FER: variants seen among roughly 807,000 people sequenced by gnomAD.
FER encodes tyrosine-protein kinase Fer.
In FER, 63 loss-of-function variants were observed where a neutral mutation model predicts 111.0. That is an observed-to-expected ratio of 0.57 (90% confidence interval 0.46 to 0.70). The LOEUF (loss-of-function observed/expected upper bound fraction) is 0.70. Ranked by LOEUF, FER falls within the 30% of genes least tolerant of loss-of-function variation. The pLI is 0.00. For missense variants in FER, 914 were observed against 954.0 expected (o/e 0.96, Z 0.55); for synonymous variants, 327 against 313.9 (o/e 1.04, Z -0.44).
intron 13 of FER, among the ~76,000 whole-genome samples, chr5:108,993,536 A>G (rs1763552062): frequency 6.7e-6 from 1 of 148,970 alleles, no homozygotes; most frequent in African/African-American, 2.5e-5. Context: ...GTGGAAAGAG[A>G]GGGAGAGGGA....
chr5:108,846,428 GA>G (rs199527531), intron 5 of FER, among the ~76,000 whole-genome samples: 1 of 148,884 alleles, frequency 6.7e-6, no homozygotes, highest in South Asian at 2.1e-4. Context: ...CTTGTCTCTG[GA>G]AAAAAAAAGA....
chr5:109,023,612 A>G (rs1768245233), intron 13 of FER, among the ~76,000 whole-genome samples: 1 of 150,992 alleles, frequency 6.6e-6, no homozygotes, highest in South Asian at 2.1e-4. Flanking sequence ...CCTTATGTCC[A>G]TTTTTATTCT....
chr5:109,145,365 A>G (rs141624592), intron 17 of FER, among the ~76,000 whole-genome samples: 378 of 152,188 alleles, frequency 2.5e-3, no homozygotes, highest in Non-Finnish European at 3.6e-3. Context: ...GCTAAGCTTT[A>G]CAACAACATG....
At chr5:109,134,854 G>T (rs375134412) in intron 17 of FER, among the ~76,000 whole-genome samples, 1 of 152,218 alleles carries the variant, frequency 6.6e-6, no homozygotes, top group East Asian at 1.9e-4. Flanking sequence ...GGATAGCTTT[G>T]TAGGGGACAT....
chr5:109,054,395 C>T lies in FER; in HGVS notation c.1924+7197C>T, dbSNP rs533466955. Among the ~76,000 whole-genome samples the T allele has an allele frequency of 2.6e-5, 4 of 152,184 alleles. No homozygotes were observed. In the South Asian group the frequency reaches 8.3e-4, roughly 32 times the overall value. On this transcript the variant is annotated intron_variant, in intron 16 of 19. Coordinates refer to ENST00000281092, the MANE Select transcript of FER (RefSeq NM_005246.4). ...TGAATAATGATGTCATGCATGTTTT[C>T]ATTTGCTTATTTGACGTTTGTATAT...
intron 16 of FER, among the ~76,000 whole-genome samples, chr5:109,075,033 A>G (rs1258527985): frequency 1.3e-5 from 2 of 152,212 alleles, no homozygotes. Flanking sequence ...ATTTAATAAA[A>G]TCAGTTTTTA....
intron 13 of FER, among the ~76,000 whole-genome samples, chr5:109,019,736 C>A (rs1016600898): frequency 6.6e-6 from 1 of 151,788 alleles, no homozygotes; most frequent in Non-Finnish European, 1.5e-5. Context: ...TTTCTTCTAG[C>A]ATTCTTCCCT....
intron 2 of FER, among the ~76,000 whole-genome samples, chr5:108,778,457 A>T (rs989501037): frequency 1.3e-5 from 2 of 152,242 alleles, no homozygotes; most frequent in African/African-American, 4.8e-5. Flanking sequence ...GCAATAAATG[A>T]AAGTTCCTGT....
At chr5:108,863,630 T>C (rs1313873585) in intron 5 of FER, among the ~76,000 whole-genome samples, 1 of 152,162 alleles carries the variant, frequency 6.6e-6, no homozygotes, top group Non-Finnish European at 1.5e-5. Context: ...TAAAAAATTG[T>C]GCCAAGTGTC....
At chr5:108,930,431 G>T (rs1217971979) in intron 10 of FER, among the ~76,000 whole-genome samples, 1 of 62 alleles carries the variant, frequency 0.016, no homozygotes, top group East Asian at 0.5. Flanking sequence ...CCCCCTCCCC[G>T]TTTCCTCCCC....
chr5:109,083,552 CTCTAA>C (rs1000692244), intron 16 of FER, among the ~76,000 whole-genome samples: 2 of 151,994 alleles, frequency 1.3e-5, no homozygotes, highest in Non-Finnish European at 2.9e-5. Context: ...TGCGACATTC[CTCTAA>C]TCTAATTTTT....
intron 13 of FER, among the ~76,000 whole-genome samples, chr5:108,978,956 C>A (rs909721061): frequency 1.3e-5 from 2 of 152,092 alleles, no homozygotes; most frequent in East Asian, 1.9e-4. Flanking sequence ...TATGCAACTA[C>A]CTGTAGGTAA....
Position 109,060,510 on chromosome 5 carries a change from CCT to C in FER, c.1924+13313_1924+13314del, listed in dbSNP as rs367755303. Among the ~76,000 whole-genome samples the C allele has an allele frequency of 1.8e-4, 27 of 151,950 alleles. No individual in the cohort carries two copies. In the South Asian group the frequency reaches 5.0e-3, roughly 28 times the overall value. ...ACGATCCAGGCCAACATGGTGAAACCCTGTCTCCACTGAAAATGCAAAAATTA... is the reference window on the plus strand; with the variant it reads ...ACGATCCAGGCCAACATGGTGAAACCGTCTCCACTGAAAATGCAAAAATTA... On this transcript the variant is annotated intron_variant, in intron 16 of 19. Coordinates refer to ENST00000281092, the MANE Select transcript of FER (RefSeq NM_005246.4).
intron 13 of FER, among the ~76,000 whole-genome samples, chr5:109,036,800 G>T (rs1218705158): frequency 6.6e-6 from 1 of 151,880 alleles, no homozygotes; most frequent in Non-Finnish European, 1.5e-5. Context: ...CTAGTAATCA[G>T]TTCTTGAGAT....
intron 2 of FER, among the ~76,000 whole-genome samples, chr5:108,796,825 T>C (rs1286732978): frequency 6.6e-6 from 1 of 152,064 alleles, no homozygotes; most frequent in African/African-American, 2.4e-5. Context: ...AGGCAAGGCC[T>C]GGAATTGGGG....
At chr5:108,755,531 G>A (rs1330970545) in intron 1 of FER, among the ~76,000 whole-genome samples, 1 of 152,060 alleles carries the variant, frequency 6.6e-6, no homozygotes, top group Non-Finnish European at 1.5e-5. Flanking sequence ...TGTTGCCCAG[G>A]CTGAAGTGCA....
intron 5 of FER, among the ~76,000 whole-genome samples, chr5:108,865,737 A>T (rs956635980): frequency 3.9e-5 from 6 of 152,230 alleles, no homozygotes; most frequent in African/African-American, 1.4e-4. Context: ...ACAAGTTTAC[A>T]AGAAAAAAAC....
chr5:109,002,978 A>G (rs895100553), intron 13 of FER, among the ~76,000 whole-genome samples: 91 of 152,312 alleles, frequency 6.0e-4, no homozygotes, highest in Middle Eastern at 6.8e-3. Flanking sequence ...GGTGCTGGAG[A>G]GGATGTGGAG....
At chr5:108,930,728 C>T (rs113999354) in intron 10 of FER, among the ~76,000 whole-genome samples, 2,303 of 149,000 alleles carry the variant, frequency 0.015, 47 homozygotes, top group African/African-American at 0.055. Context: ...ATTCTCCTGC[C>T]TTAGCTTTCT....
Sources: gnomAD v4.1 joint callset for allele counts (sites outside exome capture counted in the v4.1 genomes callset) on GRCh38, gnomAD v4.1.1 for gene constraint, MANE v1.5 for transcripts, NCBI Gene and HGNC (gene_info 2026-07-23, HGNC 2026-07-21) for gene names.